The following MAF variants were observed in gnomAD, a reference collection of about 807,000 sequenced individuals.
The protein encoded by MAF is transcription factor Maf.
Under a neutral mutation model 22.0 loss-of-function variants are expected in MAF, and 10 were observed. That is an observed-to-expected ratio of 0.45 (90% confidence interval 0.28 to 0.77). MAF has a LOEUF of 0.77. MAF is among the 30% of genes least tolerant of loss of function. The probability of loss-of-function intolerance (pLI) is 0.12; values close to 1 mark genes in which losing one functional copy is unlikely to be tolerated. For synonymous variants in MAF, 337 were observed against 255.8 expected, an observed-to-expected ratio of 1.32 and a Z score of -3.03; for missense variants, 544 against 548.4, an observed-to-expected ratio of 0.99 and a Z score of 0.08.
At chr16:79,457,662 G>A in the MAF span, among the ~76,000 whole-genome samples, 1 of 152,046 alleles carries the variant, frequency 6.6e-6, no homozygotes, top group Non-Finnish European at 1.5e-5. Context: ...ACAGGGGTGA[G>A]GGGACTCTAG....
the MAF span, among the ~76,000 whole-genome samples, chr16:79,225,968 T>C: frequency 2.0e-5 from 3 of 152,224 alleles, no homozygotes; most frequent in African/African-American, 7.2e-5. Flanking sequence ...GAAGACAGTG[T>C]GGCAATTCCT....
At chr16:79,220,512 C>CTATATA in the MAF span, among the ~76,000 whole-genome samples, 1 of 152,010 alleles carries the variant, frequency 6.6e-6, no homozygotes, top group Admixed American at 6.6e-5. Flanking sequence ...AATTTAATGC[C>CTATATA]TTTATGATCC....
At chr16:79,398,766 G>C in the MAF span, among the ~76,000 whole-genome samples, 1 of 152,096 alleles carries the variant, frequency 6.6e-6, no homozygotes, top group Non-Finnish European at 1.5e-5. Context: ...AGGCCCCTCT[G>C]TCTGGCATTC....
chr16:79,333,967 C>T, the MAF span, among the ~76,000 whole-genome samples: 1 of 152,242 alleles, frequency 6.6e-6, no homozygotes, highest in African/African-American at 2.4e-5. Context: ...GTGTGGAAAC[C>T]TATCTGAGAG....
chr16:79,356,042 C>A, the MAF span, among the ~76,000 whole-genome samples: 1 of 152,318 alleles, frequency 6.6e-6, no homozygotes, highest in African/African-American at 2.4e-5. Context: ...TTCATACACA[C>A]ACGCACATGC....
chr16:79,203,991 C>G, the MAF span: 1 of 152,132 alleles, frequency 6.6e-6, no homozygotes, highest in Non-Finnish European at 1.5e-5. Flanking sequence ...GCACGGGCAT[C>G]AAGGTGGCCC....
the MAF span, among the ~76,000 whole-genome samples, chr16:79,483,569 G>A: frequency 6.6e-6 from 1 of 151,978 alleles, no homozygotes; most frequent in Non-Finnish European, 1.5e-5. Context: ...AGATTGACCA[G>A]GTCATGAAGC....
the MAF span, chr16:79,206,745 A>G: frequency 5.9e-5 from 9 of 152,266 alleles, no homozygotes; most frequent in African/African-American, 2.2e-4. Flanking sequence ...TGAATTGTAT[A>G]ATTTCATTAT....
chr16:79,217,894 T>C, the MAF span, among the ~76,000 whole-genome samples: 1 of 146,696 alleles, frequency 6.8e-6, no homozygotes, highest in African/African-American at 2.5e-5. Flanking sequence ...CCTGATGACG[T>C]TCATCAAGGT....
the MAF span, among the ~76,000 whole-genome samples, chr16:79,223,176 C>T: frequency 6.6e-6 from 1 of 152,188 alleles, no homozygotes; most frequent in African/African-American, 2.4e-5. Context: ...TCTCAGACCA[C>T]AGTGCAATCA....
the MAF span, among the ~76,000 whole-genome samples, chr16:79,549,457 G>A: frequency 2.6e-5 from 4 of 152,298 alleles, no homozygotes; most frequent in South Asian, 2.1e-4. Flanking sequence ...AGAGCTGTAC[G>A]TTCCTCAACA....
At chr16:79,448,756 A>T in the MAF span, among the ~76,000 whole-genome samples, 648 of 118,416 alleles carry the variant, frequency 5.5e-3, 2 homozygotes, top group Non-Finnish European at 7.9e-3. Flanking sequence ...ATATACATTT[A>T]AAAAAAAAAA....
At chr16:79,228,640 G>A in the MAF span, among the ~76,000 whole-genome samples, 2 of 151,980 alleles carry the variant, frequency 1.3e-5, no homozygotes, top group African/African-American at 4.8e-5. Flanking sequence ...GTTTCCACAG[G>A]TACACAAAGA....
the MAF span, among the ~76,000 whole-genome samples, chr16:79,346,252 C>T: frequency 6.8e-6 from 1 of 146,690 alleles, no homozygotes; most frequent in Admixed American, 7.0e-5. Context: ...CTGTTCAATT[C>T]CCACCTGAGT....
chr16:79,414,833 A>G, the MAF span, among the ~76,000 whole-genome samples: 1 of 152,316 alleles, frequency 6.6e-6, no homozygotes, highest in African/African-American at 2.4e-5. Flanking sequence ...TGCACGTGAT[A>G]TCCATTGTAG....
At chr16:79,213,735 C>T in the MAF span, among the ~76,000 whole-genome samples, 4 of 152,196 alleles carry the variant, frequency 2.6e-5, no homozygotes, top group African/African-American at 9.7e-5. Flanking sequence ...ACTATCCAGC[C>T]CCAGCTGTGC....
chr16:79,279,759 C>T, the MAF span, among the ~76,000 whole-genome samples: 1 of 152,288 alleles, frequency 6.6e-6, no homozygotes, highest in East Asian at 1.9e-4. Flanking sequence ...TCGAGCAGAG[C>T]TGCTGCTGCT....
chr16:79,508,453 C>T, the MAF span, among the ~76,000 whole-genome samples: 1 of 152,024 alleles, frequency 6.6e-6, no homozygotes, highest in African/African-American at 2.4e-5. Flanking sequence ...CTTGCCCCTT[C>T]ATGCCTAGAG....
chr16:79,341,406 C>T, the MAF span, among the ~76,000 whole-genome samples: 1 of 152,184 alleles, frequency 6.6e-6, no homozygotes, highest in African/African-American at 2.4e-5. Flanking sequence ...GCTACTGGAA[C>T]CAGCTCCTGA....
Sources: gnomAD v4.1 joint callset for allele counts (sites outside exome capture counted in the v4.1 genomes callset) on GRCh38, gnomAD v4.1.1 for gene constraint, MANE v1.5 for transcripts, NCBI Gene and HGNC (gene_info 2026-07-23, HGNC 2026-07-21) for gene names.